Variants in OSBPL3 observed in about 807,000 individuals in gnomAD.
OSBPL3 encodes the protein oxysterol binding protein like 3.
OSBPL3 carries 65 observed loss-of-function variants against 120.1 expected under a neutral mutation model. That is an observed-to-expected ratio of 0.54 (90% CI 0.44 to 0.67). OSBPL3 has a LOEUF of 0.67. OSBPL3 is among the 30% of genes least tolerant of loss of function. The pLI, the probability that OSBPL3 is intolerant of heterozygous loss-of-function variation, is 0.00. For synonymous variants in OSBPL3, 416 were observed against 402.6 expected, an observed-to-expected ratio of 1.03 and a Z score of -0.40; for missense variants, 1,004 against 1,082.1, an observed-to-expected ratio of 0.93 and a Z score of 1.01.
chr7:24,884,590 G>A (rs779841426), intron 2 of OSBPL3, among the ~76,000 whole-genome samples: 14 of 152,190 alleles, frequency 9.2e-5, no homozygotes, highest in Admixed American at 7.2e-4. Flanking sequence ...GGAAGCAGCT[G>A]TGACATTGCT....
At chr7:24,909,783 CTTTTTTTTTTTTTTTT>C (rs10591188) in intron 1 of OSBPL3, among the ~76,000 whole-genome samples, 1 of 77,296 alleles carries the variant, frequency 1.3e-5, no homozygotes, top group Non-Finnish European at 2.3e-5. Flanking sequence ...TTTTTTCTTT[CTTTTTTTTTTTTTTTT>C]TTTTTTTTTG....
At chr7:24,812,464 A>G (rs1793946845) in intron 19 of OSBPL3, among the ~76,000 whole-genome samples, 1 of 152,038 alleles carries the variant, frequency 6.6e-6, no homozygotes, top group South Asian at 2.1e-4. Context: ...AGGCCAGTCC[A>G]GCCCAGCTCA....
At chr7:24,886,825 T>C (rs964650485) in intron 2 of OSBPL3, among the ~76,000 whole-genome samples, 2 of 152,214 alleles carry the variant, frequency 1.3e-5, no homozygotes, top group Non-Finnish European at 2.9e-5. Flanking sequence ...CTGGCAGAAC[T>C]GGGCTGTTCC....
At chr7:24,934,571 C>T (rs1812168740) in intron 1 of OSBPL3, among the ~76,000 whole-genome samples, 1 of 152,144 alleles carries the variant, frequency 6.6e-6, no homozygotes, top group African/African-American at 2.4e-5. Context: ...ATCATGCAAG[C>T]TGATCTTCTC....
rs1052797435 is a variant in OSBPL3 at position 24,938,815 on chromosome 7, G to C, written c.-150+41071C>G. On this transcript the variant is annotated intron_variant, in intron 1 of 22. Coordinates refer to ENST00000313367, the MANE Select transcript of OSBPL3 (RefSeq NM_015550.4). The surrounding 1 kb of genome is among the most constrained non-coding windows in gnomAD (Gnocchi z 5.8). Reference sequence around the variant, plus strand: ...TGTGTGTGTGTGTGTGTGTGTGTGTGTGTGTGTGTGTGTGTGTGTTTTGAG... The same window carrying C: ...TGTGTGTGTGTGTGTGTGTGTGTGTCTGTGTGTGTGTGTGTGTGTTTTGAG... Among the ~76,000 whole-genome samples, 3 of 150,938 alleles carry C rather than the reference G, an allele frequency of 2.0e-5. No individual in the cohort carries two copies. The highest frequency in any genetic ancestry group is 4.9e-5 in the African/African-American group (2 of 41,100).
In OSBPL3 at chr7:24,965,698, T is replaced by C. The variant is rs532791185; in HGVS notation, c.-150+14188A>G. ...AAACTGTGGGGGTGGGGCCCAGCAA[T>C]CTGTTTTATTAAATAATTAATTTGT... is the stretch of plus-strand genomic sequence containing the variant. On this transcript the variant is annotated intron_variant, in intron 1 of 22. Coordinates refer to ENST00000313367, the MANE Select transcript of OSBPL3 (RefSeq NM_015550.4). The surrounding 1 kb of genome is among the most constrained non-coding windows in gnomAD (Gnocchi z 4.3). Among the ~76,000 whole-genome samples the C allele has an allele frequency of 1.3e-5, 2 of 152,156 alleles. No homozygotes were observed. Among genetic ancestry groups the C allele is most frequent in the Non-Finnish European group, 2.9e-5 (2 of 68,032 alleles).
intron 1 of OSBPL3, among the ~76,000 whole-genome samples, chr7:24,942,778 T>C (rs1383502176): frequency 6.6e-6 from 1 of 152,208 alleles, no homozygotes; most frequent in East Asian, 1.9e-4. Context: ...AACACTGATA[T>C]TTTTGCACGT....
chr7:24,868,337 AAGTGTGTGTGTGT>A (rs1473866428), intron 5 of OSBPL3, among the ~76,000 whole-genome samples: 4 of 93,256 alleles, frequency 4.3e-5, no homozygotes, highest in African/African-American at 2.2e-4. Flanking sequence ...AAAAAAAAAA[AAGTGTGTGTGTGT>A]GTGTGTGTGT....
chr7:24,936,238 C>T lies in OSBPL3; in HGVS notation c.-149-43617G>A, dbSNP rs185955915. On this transcript the variant is annotated intron_variant, in intron 1 of 22. Coordinates refer to ENST00000313367, the MANE Select transcript of OSBPL3 (RefSeq NM_015550.4). This position sits in a 1 kb window ranked among gnomAD's most constrained non-coding sequence, Gnocchi z 4.2. Reference sequence around the variant, plus strand: ...CTGAGTGAGTAAGTAAGAACATATGCGAATATTTCAAAGGAAGCTGAGACA... The same window carrying T: ...CTGAGTGAGTAAGTAAGAACATATGTGAATATTTCAAAGGAAGCTGAGACA... 2.6e-5 allele frequency among the ~76,000 whole-genome samples: 4 copies of T among 152,128 alleles called. No individual in the cohort carries two copies. The highest frequency in any genetic ancestry group is 5.9e-5 in the Non-Finnish European group (4 of 68,004).
At chr7:24,888,910 T>A (rs1301217044) in intron 2 of OSBPL3, among the ~76,000 whole-genome samples, 2 of 152,178 alleles carry the variant, frequency 1.3e-5, no homozygotes, top group African/African-American at 4.8e-5. Flanking sequence ...AGAATTTAAG[T>A]AAAAATGACT....
Position 24,918,062 on chromosome 7 carries a change from T to C in OSBPL3, c.-149-25441A>G. Reference sequence around the variant, plus strand: ...GCACTCTTACCTATAAAGGTTGGCTTATCCTCGACGCACATAATGACAAGC... The same window carrying C: ...GCACTCTTACCTATAAAGGTTGGCTCATCCTCGACGCACATAATGACAAGC... On this transcript the variant is annotated intron_variant, in intron 1 of 22. Transcript: ENST00000313367. The surrounding 1 kb of genome is among the most constrained non-coding windows in gnomAD (Gnocchi z 4.3). 1 of 985,072 alleles carries C rather than the reference T, an allele frequency of 1.0e-6. No individual in the cohort carries two copies. The allele number at this position is 985,072 out of a possible 1,614,324, so 61.0% of individuals were successfully genotyped here.
intron 2 of OSBPL3, among the ~76,000 whole-genome samples, chr7:24,888,646 A>C (rs1486045914): frequency 6.6e-6 from 1 of 152,226 alleles, no homozygotes; most frequent in Non-Finnish European, 1.5e-5. Context: ...AAATGAAAAC[A>C]CCTAGGTCTC....
At position 24,831,591 on chromosome 7, in the gene OSBPL3, G is replaced by C. The variant is rs775392636; in HGVS notation, c.1747-686C>G. On this transcript the variant is annotated intron_variant, in intron 15 of 22. Transcript: ENST00000313367. This position sits in a 1 kb window ranked among gnomAD's most constrained non-coding sequence, Gnocchi z 4.0. ...GCAGCCCTTACTGTGAGGTCTTGGCGTCTTTAGCAATTCCCCGTCAGGGCA... is the reference window on the plus strand; with the variant it reads ...GCAGCCCTTACTGTGAGGTCTTGGCCTCTTTAGCAATTCCCCGTCAGGGCA... Among the ~76,000 whole-genome samples, 1 of 152,198 alleles carries C rather than the reference G, an allele frequency of 6.6e-6. No homozygotes were observed. Among genetic ancestry groups the C allele is most frequent in the Non-Finnish European group, 1.5e-5 (1 of 68,030 alleles).
At chr7:24,861,560 C>A (rs200579869) in intron 10 of OSBPL3, 53 bp downstream of exon 10, 160 of 1,227,968 alleles carry the variant, frequency 1.3e-4, no homozygotes, top group Non-Finnish European at 1.7e-4. Context: ...CACATTCAGA[C>A]ATGCACTTAA....
intron 1 of OSBPL3, among the ~76,000 whole-genome samples, chr7:24,942,742 G>T (rs755432856): frequency 6.6e-6 from 1 of 152,110 alleles, no homozygotes; most frequent in African/African-American, 2.4e-5. Flanking sequence ...CTCCAGCAGG[G>T]CCTAGAGCAG....
At position 24,849,016 on chromosome 7, in the gene OSBPL3, C is replaced by T. The variant is rs1798785661; in HGVS notation, c.1266+53G>A. 1 of 1,261,298 alleles carries T rather than the reference C, an allele frequency of 7.9e-7. No individual in the cohort carries two copies. The highest frequency in any genetic ancestry group is 1.2e-6 in the Non-Finnish European group (1 of 865,282). The allele number at this position is 1,261,298 out of a possible 1,614,324, so 78.1% of individuals were successfully genotyped here. ...GGTCGTGCAATGGGACAGATGGTATCACGGGAGCGGGCGGCAGCTGGGGAG... is the reference window on the plus strand; with the variant it reads ...GGTCGTGCAATGGGACAGATGGTATTACGGGAGCGGGCGGCAGCTGGGGAG... On this transcript the variant is annotated intron_variant, in intron 12 of 22. Coordinates refer to ENST00000313367, the MANE Select transcript of OSBPL3 (RefSeq NM_015550.4). The surrounding 1 kb of genome is among the most constrained non-coding windows in gnomAD (Gnocchi z 5.4).
chr7:24,861,979 C>T (rs896654637), intron 9 of OSBPL3, among the ~76,000 whole-genome samples: 5 of 151,714 alleles, frequency 3.3e-5, no homozygotes, highest in Non-Finnish European at 2.9e-5. Context: ...CTCCACCTCC[C>T]GAGTTCACAG....
rs1160364686 is a variant in OSBPL3 at position 24,965,820 on chromosome 7, G to C, written c.-150+14066C>G. On this transcript the variant is annotated intron_variant, in intron 1 of 22. Transcript: ENST00000313367. The surrounding 1 kb of genome is among the most constrained non-coding windows in gnomAD (Gnocchi z 4.3). ...CCCACCTCAGCCTCCCAAAGTGTTG[G>C]GATTACAGGCATTAGCCACTGCGAC... Among the ~76,000 whole-genome samples the C allele has an allele frequency of 6.6e-6, 1 of 152,072 alleles. No homozygotes were observed.
chr7:24,830,790 C>T lies in OSBPL3; in HGVS notation c.1862G>A (p.Gly621Asp). 6.2e-7 allele frequency: 1 copy of T among 1,612,292 alleles called. No individual in the cohort carries two copies. The highest frequency in any genetic ancestry group is 8.5e-7 in the Non-Finnish European group (1 of 1,179,582). Residue 621 changes from glycine to aspartate, a missense_variant, in exon 16 of 23, where the codon GGC (glycine) becomes GAC (aspartate). Gly to Asp is a moderately conservative substitution (Grantham distance 94). Coordinates refer to ENST00000313367, the MANE Select transcript of OSBPL3 (RefSeq NM_015550.4). The surrounding 1 kb of genome is among the most constrained non-coding windows in gnomAD (Gnocchi z 4.4). ...ETYECIREDK[G>D]FQFFSEQVSH... Reference sequence around the variant, plus strand: ...TACCTGTTCTGAAAAAAACTGGAAGCCCTTGTCCTCCCGAATACATTCATA... The same window carrying T: ...TACCTGTTCTGAAAAAAACTGGAAGTCCTTGTCCTCCCGAATACATTCATA...
Sources: gnomAD v4.1 joint callset for allele counts (sites outside exome capture counted in the v4.1 genomes callset) on GRCh38, gnomAD v4.1.1 for gene constraint, Gnocchi (gnomAD v3.1) non-coding constraint, MANE v1.5 for transcripts, NCBI Gene and HGNC (gene_info 2026-07-23, HGNC 2026-07-21) for gene names.